PHF21A: variants seen among roughly 807,000 people sequenced by gnomAD.
The protein encoded by PHF21A is BHC80a.
A neutral mutation model predicts 82.5 loss-of-function variants in PHF21A; 11 were observed. That is an observed-to-expected ratio of 0.13 (90% CI 0.08 to 0.22). The LOEUF (loss-of-function observed/expected upper bound fraction) is 0.22, where lower values mean the gene tolerates loss of function less well. Ranked by LOEUF, PHF21A falls within the 10% of genes least tolerant of loss-of-function variation. The pLI is 1.00. For missense variants in PHF21A, 579 were observed against 837.8 expected, an observed-to-expected ratio of 0.69 and a Z score of 3.81; for synonymous variants, 297 against 302.8, an observed-to-expected ratio of 0.98 and a Z score of 0.20.
chr11:45,980,013 C>A, intron 6 of PHF21A, 47 bp from the exon 7 acceptor site: 1 of 1,611,358 alleles, frequency 6.2e-7, no homozygotes, highest in South Asian at 1.1e-5. Flanking sequence ...GAATACTGCT[C>A]TATCAGCTGC....
chr11:46,057,065 C>T (rs2096467741), intron 6 of PHF21A, among the ~76,000 whole-genome samples: 1 of 151,868 alleles, frequency 6.6e-6, no homozygotes, highest in Admixed American at 6.6e-5. Context: ...ATATTATTGA[C>T]ATTAATCTGT....
rs202239805 is a variant in PHF21A, at chr11:45,945,942, T to C, written c.1350A>G (p.Gln450=). The change falls in exon 15 of 19, where the codon CAA becomes CAG. Residue 450 remains glutamine, a synonymous_variant. Transcript: ENST00000676320. ...GFGALTPTSP[Q]SSHPDSPENE... Reference sequence around the variant, plus strand: ...TTTCAGGGGAGTCAGGATGACTGGATTGGGGGGATGTTGGGGTAAGGGCTC... The same window carrying C: ...TTTCAGGGGAGTCAGGATGACTGGACTGGGGGGATGTTGGGGTAAGGGCTC... 1.3e-4 allele frequency: 202 copies of C among 1,613,320 alleles called. 1 individual carries two copies. In the South Asian group the frequency reaches 1.4e-3, roughly 11 times the overall value.
intron 6 of PHF21A, among the ~76,000 whole-genome samples, chr11:46,018,119 G>A (rs998400313): frequency 2.0e-5 from 3 of 151,248 alleles, no homozygotes; most frequent in Middle Eastern, 3.4e-3. Flanking sequence ...GCGTAGTGGC[G>A]GGCGCCTGTA....
chr11:46,116,055 T>C (rs537826082), intron 1 of PHF21A, among the ~76,000 whole-genome samples: 1 of 152,324 alleles, frequency 6.6e-6, no homozygotes, highest in South Asian at 2.1e-4. Flanking sequence ...TAAGATACTA[T>C]ACCTTTTGAT....
At chr11:46,008,667 C>T (rs1275751278) in intron 6 of PHF21A, among the ~76,000 whole-genome samples, 5 of 152,122 alleles carry the variant, frequency 3.3e-5, no homozygotes, top group Admixed American at 3.3e-4. Flanking sequence ...GTCACACTCT[C>T]TGAGTTCCAG....
chr11:46,082,615 A>T (rs990604380), intron 4 of PHF21A, among the ~76,000 whole-genome samples: 2 of 152,290 alleles, frequency 1.3e-5, no homozygotes, highest in South Asian at 4.1e-4. Flanking sequence ...GAATAGTAAG[A>T]GAGTGTTTAG....
chr11:46,066,662 G>A (rs1163937266), intron 6 of PHF21A, among the ~76,000 whole-genome samples: 1 of 152,052 alleles, frequency 6.6e-6, no homozygotes, highest in Non-Finnish European at 1.5e-5. Context: ...TTGTACCACC[G>A]CACACCAGCT....
intron 6 of PHF21A, among the ~76,000 whole-genome samples, chr11:46,010,427 A>T (rs947288733): frequency 6.6e-6 from 1 of 152,238 alleles, no homozygotes; most frequent in Non-Finnish European, 1.5e-5. Context: ...GAGATTTAGT[A>T]ATTTGTCTAA....
At chr11:46,105,506 G>C (rs930360142) in intron 1 of PHF21A, among the ~76,000 whole-genome samples, 3 of 151,990 alleles carry the variant, frequency 2.0e-5, no homozygotes, top group African/African-American at 7.3e-5. Context: ...GCAAGAAATG[G>C]GCAATTCAGA....
rs143570530 is a variant in PHF21A, at chr11:45,934,300, C to T, written c.1789-75G>A. The T allele has an allele frequency of 1.2e-3, 1,638 of 1,409,294 alleles. 13 individuals carry two copies. The African/African-American group carries it at 0.02, about 17-fold the overall frequency. The allele number at this position is 1,409,294 out of a possible 1,614,324, so 87.3% of individuals were successfully genotyped here. Reference sequence around the variant, plus strand: ...GGCCTGGCAGCCCCTAAGAGCAGAGCGCCTTCTCTCTGCCCAGGGAGAAGA... The same window carrying T: ...GGCCTGGCAGCCCCTAAGAGCAGAGTGCCTTCTCTCTGCCCAGGGAGAAGA... On this transcript the variant is annotated intron_variant, in intron 18 of 18. Coordinates refer to ENST00000676320, the MANE Select transcript of PHF21A (RefSeq NM_001352027.3).
intron 6 of PHF21A, among the ~76,000 whole-genome samples, chr11:45,983,856 A>C (rs2094397176): frequency 6.6e-6 from 1 of 152,144 alleles, no homozygotes; most frequent in Non-Finnish European, 1.5e-5. Context: ...GCTGTGTGGT[A>C]TCATCCAAGG....
intron 7 of PHF21A, among the ~76,000 whole-genome samples, chr11:45,971,959 G>A (rs144727394): frequency 7.2e-6 from 1 of 139,410 alleles, no homozygotes; most frequent in South Asian, 2.3e-4. Context: ...TTAGCATGTC[G>A]CCTCTGAGGT....
At chr11:46,106,369 T>A (rs1222949988) in intron 1 of PHF21A, among the ~76,000 whole-genome samples, 1 of 152,184 alleles carries the variant, frequency 6.6e-6, no homozygotes, top group Non-Finnish European at 1.5e-5. Context: ...ACAATATGTT[T>A]TGCATATAGA....
intron 9 of PHF21A, among the ~76,000 whole-genome samples, chr11:45,969,300 C>T (rs2136034877): frequency 6.6e-6 from 1 of 152,324 alleles, no homozygotes; most frequent in South Asian, 2.1e-4. Flanking sequence ...TCATGCAGAG[C>T]TGCTCGGGCC....
chr11:45,932,318 G>C lies in PHF21A; in HGVS notation c.*1650C>G, dbSNP rs1043715357. ...ATTTAGGCACCAGCCTTTTGCTCTA[G>C]CAGAATCTGAGAAGACCACGGGTAG... On this transcript the variant is annotated 3_prime_UTR_variant, in exon 19 of 19. Coordinates refer to ENST00000676320, the MANE Select transcript of PHF21A (RefSeq NM_001352027.3). This position sits in a 1 kb window ranked among gnomAD's most constrained non-coding sequence, Gnocchi z 4.3. 7 of 152,266 alleles carry C rather than the reference G, an allele frequency of 4.6e-5. No individual in the cohort carries two copies. The highest frequency in any genetic ancestry group is 1.7e-4 in the African/African-American group (7 of 41,468). 9.4% of individuals were successfully genotyped at this position (152,266 alleles called of 1,614,324 possible).
intron 3 of PHF21A, among the ~76,000 whole-genome samples, chr11:46,084,940 A>C (rs2096838894): frequency 6.6e-6 from 1 of 151,944 alleles, no homozygotes; most frequent in African/African-American, 2.4e-5. Context: ...TCAGCCTCCC[A>C]AAGTGCTGGG....
chr11:46,079,834 AAGGAAAGGAAAGGAAAG>A lies in PHF21A; in HGVS notation c.55-685_55-669del, dbSNP rs574382153. Among the ~76,000 whole-genome samples the A allele has an allele frequency of 3.7e-3, 562 of 151,856 alleles. 1 individual carries two copies. The highest frequency in any genetic ancestry group is 0.013 in the African/African-American group (540 of 41,378). On this transcript the variant is annotated intron_variant, in intron 4 of 18. Transcript: ENST00000676320. ...GAAAACAGAAGCCCAAACAAATGGA[AAGGAAAGGAAAGGAAAG>A]AGGAAAGGAAAGGAAAGGAAAGAGG...
intron 6 of PHF21A, among the ~76,000 whole-genome samples, chr11:46,015,509 CCTTAG>C (rs1161209325): frequency 3.9e-5 from 6 of 152,040 alleles, no homozygotes; most frequent in Non-Finnish European, 5.9e-5. Context: ...AATAAATTAA[CCTTAG>C]CTTAGTGTAA....
At chr11:46,095,148 C>T (rs909919129) in intron 1 of PHF21A, among the ~76,000 whole-genome samples, 1 of 151,386 alleles carries the variant, frequency 6.6e-6, no homozygotes, top group African/African-American at 2.4e-5. Flanking sequence ...AGTGTTTCTT[C>T]TGAAGATTGA....
Sources: gnomAD v4.1 joint callset for allele counts (sites outside exome capture counted in the v4.1 genomes callset) on GRCh38, gnomAD v4.1.1 for gene constraint, Gnocchi (gnomAD v3.1) non-coding constraint, MANE v1.5 for transcripts, NCBI Gene and HGNC (gene_info 2026-07-23, HGNC 2026-07-21) for gene names.